The following TEX10 variants were observed in gnomAD, a reference collection of about 807,000 sequenced individuals.
TEX10 encodes testis expressed 10.
A neutral mutation model predicts 104.4 loss-of-function variants in TEX10; 24 were observed. The ratio of observed to expected loss-of-function variants is 0.23; its 90% CI spans 0.17 to 0.32. The LOEUF (loss-of-function observed/expected upper bound fraction) is 0.32. Ranked by LOEUF, TEX10 falls within the 10% of genes least tolerant of loss-of-function variation. The probability of loss-of-function intolerance (pLI) is 1.00; values close to 1 mark genes in which losing one functional copy is unlikely to be tolerated. For missense variants in TEX10, 921 were observed against 1,083.9 expected (o/e 0.85, Z 2.11); for synonymous variants, 396 against 393.4 (o/e 1.01, Z -0.08).
Position 100,302,259 on chromosome 9 carries a change from G to C in TEX10, c.2722C>G (p.His908Asp). 2 of 1,613,784 alleles carry C rather than the reference G, an allele frequency of 1.2e-6. No homozygotes were observed. Among genetic ancestry groups the C allele is most frequent in the African/African-American group, 2.7e-5 (2 of 75,012 alleles). ...GTGATATACACGTTGAAGCAGTAAT[G>C]TAAGTCTGTGAGCCACTGTTCCTGA... Reference protein sequence around the residue: ...SVQEQWLTDLHYCFNVYITGH... With the variant: ...SVQEQWLTDLDYCFNVYITGH... Residue 908 changes from histidine to aspartate, a missense_variant, in exon 15 of 15, where the codon CAT becomes GAT. His to Asp is a moderately conservative substitution (Grantham distance 81). Transcript: ENST00000374902.
intron 7 of TEX10, 99 bp from the exon 8 acceptor site, chr9:100,328,061 A>G (rs1834754493): frequency 3.3e-6 from 3 of 917,736 alleles, no homozygotes; most frequent in Non-Finnish European, 4.5e-6. Flanking sequence ...TATATCACAA[A>G]GTGACTAATT....
intron 11 of TEX10, among the ~76,000 whole-genome samples, chr9:100,311,626 A>G (rs765742984): frequency 1.3e-5 from 2 of 152,234 alleles, no homozygotes; most frequent in Non-Finnish European, 2.9e-5. Context: ...TATCCTGTTC[A>G]ATTTAATCAT....
intron 5 of TEX10, 82 bp downstream of exon 5, chr9:100,340,175 T>C: frequency 1.3e-6 from 1 of 790,900 alleles, no homozygotes; most frequent in Non-Finnish European, 1.9e-6. Flanking sequence ...TGTAGAAAGT[T>C]CCATATTAAG....
At chr9:100,340,956 C>A (rs1044699333) in intron 4 of TEX10, among the ~76,000 whole-genome samples, 2 of 152,030 alleles carry the variant, frequency 1.3e-5, no homozygotes, top group African/African-American at 4.8e-5. Context: ...CAGCTGGTCA[C>A]CCTACAGCTC....
At chr9:100,322,173 C>T (rs563004033) in intron 9 of TEX10, among the ~76,000 whole-genome samples, 5 of 152,286 alleles carry the variant, frequency 3.3e-5, no homozygotes, top group Admixed American at 6.5e-5. Context: ...CAAGCTTCAG[C>T]TTCCTACATA....
intron 5 of TEX10, 59 bp from the exon 6 acceptor site, chr9:100,330,228 G>C (rs1834822300): frequency 3.3e-6 from 4 of 1,219,066 alleles, no homozygotes; most frequent in Non-Finnish European, 4.6e-6. Context: ...TGCTTCATTA[G>C]AATACTTAAA....
chr9:100,308,323 A>T (rs962608720), intron 13 of TEX10, among the ~76,000 whole-genome samples, 177 bp downstream of exon 13: 7 of 152,162 alleles, frequency 4.6e-5, no homozygotes, highest in African/African-American at 1.7e-4. Context: ...TTTTCACTAC[A>T]ACACAAAGGG....
intron 5 of TEX10, 49 bp downstream of exon 5, chr9:100,340,207 TC>T: frequency 8.8e-7 from 1 of 1,136,042 alleles, no homozygotes; most frequent in Non-Finnish European, 1.2e-6. Context: ...CCTGATAATT[TC>T]AGGTTAAACA....
chr9:100,320,199 G>A (rs1004023238), intron 11 of TEX10, 66 bp downstream of exon 11: 1 of 1,440,612 alleles, frequency 6.9e-7, no homozygotes, highest in African/African-American at 1.4e-5. Context: ...CTCATATATA[G>A]TAACTATTAC....
chr9:100,323,636 A>AT (rs1337150686), intron 9 of TEX10, among the ~76,000 whole-genome samples: 1 of 152,228 alleles, frequency 6.6e-6, no homozygotes, highest in East Asian at 1.9e-4. Context: ...TTCTAAACAC[A>AT]TTTTTTAAAA....
At chr9:100,348,492 A>T (rs1212294750) in intron 2 of TEX10, among the ~76,000 whole-genome samples, 1 of 152,252 alleles carries the variant, frequency 6.6e-6, no homozygotes, top group Non-Finnish European at 1.5e-5. Flanking sequence ...AGTATTTACT[A>T]CAAACCTATA....
Position 100,346,696 on chromosome 9 carries a change from T to C in TEX10, c.891A>G (p.Leu297=). ...SQPNVSSQFR[L]RYLVGGLSGV... The stretch of plus-strand genomic sequence containing the variant: ...GACATAACTGAAATCCTTCTTACCG[T>C]AGCCTGAACTGTGAACTGACATTTG... Residue 297 remains leucine, a splice_region_variant and synonymous_variant, in exon 3 of 15, where the codon CTA becomes CTG. Transcript: ENST00000374902. 1 of 1,607,086 alleles carries C rather than the reference T, an allele frequency of 6.2e-7. No homozygotes were observed. Among genetic ancestry groups the C allele is most frequent in the Non-Finnish European group, 8.5e-7 (1 of 1,176,306 alleles).
intron 13 of TEX10, chr9:100,305,256 C>T (rs923430021): frequency 7.2e-5 from 11 of 152,190 alleles, no homozygotes; most frequent in African/African-American, 2.7e-4. Flanking sequence ...CTGACTACCT[C>T]CAGGTCTAGA....
intron 1 of TEX10, 57 bp downstream of exon 1, chr9:100,352,715 A>C (rs1343205462): frequency 3.1e-6 from 4 of 1,278,214 alleles, no homozygotes; most frequent in Non-Finnish European, 4.0e-6. Context: ...CGACGGCCCC[A>C]CCACGCTCAG....
intron 5 of TEX10, among the ~76,000 whole-genome samples, chr9:100,338,975 TG>T (rs1480199486): frequency 6.6e-6 from 1 of 151,878 alleles, no homozygotes; most frequent in African/African-American, 2.4e-5. Flanking sequence ...TGCTTAAGGC[TG>T]GGTACAGTGG....
intron 4 of TEX10, among the ~76,000 whole-genome samples, chr9:100,345,245 C>T (rs577379656): frequency 2.6e-5 from 4 of 152,226 alleles, no homozygotes; most frequent in African/African-American, 9.6e-5. Context: ...CAATAGAACA[C>T]GCTCTTAAAA....
chr9:100,302,474 C>T (rs1834013201), intron 14 of TEX10, among the ~76,000 whole-genome samples, 170 bp from the exon 15 acceptor site: 1 of 152,222 alleles, frequency 6.6e-6, no homozygotes, highest in Admixed American at 6.5e-5. Context: ...TTGGGCATTA[C>T]CACAGGCAGT....
intron 3 of TEX10, 149 bp from the exon 4 acceptor site, chr9:100,346,464 C>T (rs937476693): frequency 1.5e-5 from 17 of 1,119,824 alleles, no homozygotes; most frequent in African/African-American, 3.2e-5. Flanking sequence ...AAATGAAATT[C>T]TAAGATGACA....
In TEX10 at chr9:100,310,391, G is replaced by A; in HGVS notation, c.2203-12C>T. 1 of 1,610,526 alleles carries A rather than the reference G, an allele frequency of 6.2e-7. No individual in the cohort carries two copies. The highest frequency in any genetic ancestry group is 2.2e-5 in the East Asian group (1 of 44,832). ...CTGTGAAAAACTGCCTGTCAGAAAA[G>A]GAGAAAACCACTAACCAAATCAGAA... On this transcript the variant is annotated splice_polypyrimidine_tract_variant and intron_variant, in intron 11 of 14. Transcript: ENST00000374902.
Sources: allele counts gnomAD v4.1 joint callset (sites outside exome capture counted in the v4.1 genomes callset), GRCh38; gene constraint gnomAD v4.1.1; transcripts MANE v1.5; gene names NCBI Gene and HGNC (gene_info 2026-07-23, HGNC 2026-07-21).